Variants in THSD7B observed in about 807,000 individuals in gnomAD.
THSD7B encodes the protein thrombospondin type 1 domain containing 7B, also known as thrombospondin type-1 domain-containing protein 7B.
In THSD7B, 138 loss-of-function variants were observed where a neutral mutation model predicts 213.6. That is an observed-to-expected ratio of 0.65 (90% CI 0.56 to 0.74). The LOEUF is 0.74. Ranked by LOEUF, THSD7B falls within the 30% of genes least tolerant of loss-of-function variation. THSD7B has a pLI of 0.00. For missense variants in THSD7B, 1,931 were observed against 1,991.5 expected, an observed-to-expected ratio of 0.97 and a Z score of 0.58; for synonymous variants, 742 against 687.0, an observed-to-expected ratio of 1.08 and a Z score of -1.25.
chr2:137,021,655 C>A lies in THSD7B; in HGVS notation c.140-34765C>A, dbSNP rs747334455. On this transcript the variant is annotated intron_variant, in intron 2 of 27. Coordinates refer to ENST00000409968, the MANE Select transcript of THSD7B (RefSeq NM_001316349.2). ...ATCTTGCAAAACAATAGTACAATTG[C>A]ACAAACATGATATTGACATTGATGT... 2.6e-5 allele frequency among the ~76,000 whole-genome samples: 4 copies of A among 152,114 alleles called. No homozygotes were observed. In the South Asian group the frequency reaches 8.3e-4, roughly 32 times the overall value.
intron 17 of THSD7B, among the ~76,000 whole-genome samples, chr2:137,579,914 A>G (rs919950066): frequency 1.3e-5 from 2 of 152,140 alleles, no homozygotes; most frequent in Admixed American, 1.3e-4. Flanking sequence ...TATTCCTGGA[A>G]AGAGTTTTAT....
chr2:137,196,376 G>GTTTT (rs60814872), intron 7 of THSD7B, among the ~76,000 whole-genome samples: 5 of 99,976 alleles, frequency 5.0e-5, no homozygotes, highest in African/African-American at 1.2e-4. Flanking sequence ...AAAACCTGCT[G>GTTTT]TTTTTTTTTT....
chr2:137,188,771 C>G (rs1057371401), intron 7 of THSD7B, among the ~76,000 whole-genome samples: 29 of 152,322 alleles, frequency 1.9e-4, no homozygotes, highest in Admixed American at 1.8e-3. Context: ...GGAGCAGCAT[C>G]TCTTTTCTAT....
chr2:137,281,010 C>A (rs1682994934), intron 12 of THSD7B, among the ~76,000 whole-genome samples: 1 of 152,132 alleles, frequency 6.6e-6, no homozygotes, highest in Non-Finnish European at 1.5e-5. Flanking sequence ...CAGCGACAGA[C>A]TTGACATTAT....
At chr2:137,613,064 A>G (rs1682316986) in intron 17 of THSD7B, among the ~76,000 whole-genome samples, 1 of 152,076 alleles carries the variant, frequency 6.6e-6, no homozygotes, top group African/African-American at 2.4e-5. Flanking sequence ...ACTTCTCCTT[A>G]CAGGTCTAAA....
chr2:137,004,340 C>CACACACACAA (rs1553463958), intron 2 of THSD7B, among the ~76,000 whole-genome samples: 4 of 145,878 alleles, frequency 2.7e-5, no homozygotes, highest in Non-Finnish European at 6.0e-5. Flanking sequence ...CACACACACA[C>CACACACACAA]ACACACAAAC....
chr2:136,859,635 G>T (rs1185779248), intron 1 of THSD7B, among the ~76,000 whole-genome samples: 3 of 152,164 alleles, frequency 2.0e-5, no homozygotes, highest in African/African-American at 7.2e-5. Context: ...GGTGTGGCTG[G>T]TGTGTGCAAG....
intron 3 of THSD7B, among the ~76,000 whole-genome samples, chr2:137,062,500 A>T (rs1687296966): frequency 6.6e-6 from 1 of 151,708 alleles, no homozygotes; most frequent in Admixed American, 6.6e-5. Flanking sequence ...TTGTTCCACA[A>T]ATTCTGATAA....
intron 15 of THSD7B, among the ~76,000 whole-genome samples, chr2:137,481,725 AC>A (rs1688308807): frequency 6.6e-6 from 1 of 152,224 alleles, no homozygotes; most frequent in South Asian, 2.1e-4. Flanking sequence ...TAGTTTGCCA[AC>A]CCACATCCCA....
chr2:137,057,720 A>G (rs1687198049), intron 3 of THSD7B, among the ~76,000 whole-genome samples: 1 of 151,972 alleles, frequency 6.6e-6, no homozygotes, highest in Non-Finnish European at 1.5e-5. Context: ...TGTGTTGTAC[A>G]TTTTTTATAC....
At chr2:136,811,758 C>T (rs984423347) in intron 1 of THSD7B, among the ~76,000 whole-genome samples, 3 of 152,104 alleles carry the variant, frequency 2.0e-5, no homozygotes, top group Non-Finnish European at 4.4e-5. Flanking sequence ...TTACACAAGA[C>T]GTATGATTTC....
At chr2:137,667,903 T>C (rs1365375000) in intron 27 of THSD7B, 42 bp downstream of exon 27, 1 of 1,462,782 alleles carries the variant, frequency 6.8e-7, no homozygotes. Context: ...CGTATTTTTA[T>C]GGATTTCATG....
In THSD7B at chr2:137,448,367, G is replaced by A. The variant is rs542835622; in HGVS notation, c.2960-2478G>A. ...TGAAGCAGGGAGGCTAAGCTGGTTA[G>A]GAAAATAACTCATTTTTGCACGAGC... is the stretch of plus-strand genomic sequence containing the variant. On this transcript the variant is annotated intron_variant, in intron 14 of 27. Transcript: ENST00000409968. 6.6e-5 allele frequency among the ~76,000 whole-genome samples: 10 copies of A among 152,298 alleles called. 1 individual carries two copies. The South Asian group carries it at 1.9e-3, about 28-fold the overall frequency.
chr2:137,194,630 T>C (rs959386471), intron 7 of THSD7B, among the ~76,000 whole-genome samples: 2 of 152,240 alleles, frequency 1.3e-5, no homozygotes, highest in African/African-American at 4.8e-5. Flanking sequence ...CAGTGTTTTC[T>C]TCATACAGGT....
Position 136,988,782 on chromosome 2 carries a change from A to G in THSD7B, c.140-67638A>G, listed in dbSNP as rs150334365. 5.3e-5 allele frequency among the ~76,000 whole-genome samples: 8 copies of G among 152,344 alleles called. No individual in the cohort carries two copies. In the East Asian group the frequency reaches 1.5e-3, roughly 29 times the overall value. On this transcript the variant is annotated intron_variant, in intron 2 of 27. Transcript: ENST00000409968. ...CAAAAAATCAAGTCTGTCATTTAAA[A>G]TGTCCAAGAAGTCTTCACTGCCCGA... is the stretch of plus-strand genomic sequence containing the variant.
intron 21 of THSD7B, among the ~76,000 whole-genome samples, chr2:137,648,333 C>A (rs539251441): frequency 4.6e-5 from 7 of 152,168 alleles, no homozygotes; most frequent in African/African-American, 1.7e-4. Flanking sequence ...TTTCTTTTAT[C>A]AAACTATATA....
chr2:137,357,566 T>C (rs1028768434), intron 12 of THSD7B, among the ~76,000 whole-genome samples: 1 of 152,210 alleles, frequency 6.6e-6, no homozygotes, highest in Non-Finnish European at 1.5e-5. Context: ...TTCTTTCTTC[T>C]TGCCATCACC....
At chr2:137,143,236 A>G (rs1158998515) in intron 5 of THSD7B, among the ~76,000 whole-genome samples, 2 of 152,178 alleles carry the variant, frequency 1.3e-5, no homozygotes, top group Non-Finnish European at 2.9e-5. Flanking sequence ...TACTATACAC[A>G]TGAATGCTGA....
chr2:137,024,098 C>T (rs1686499214), intron 2 of THSD7B, among the ~76,000 whole-genome samples: 2 of 152,144 alleles, frequency 1.3e-5, no homozygotes, highest in African/African-American at 4.8e-5. Context: ...CTTGGGTCCT[C>T]ACTTTTACAG....
Sources: allele counts gnomAD v4.1 joint callset (sites outside exome capture counted in the v4.1 genomes callset), GRCh38; gene constraint gnomAD v4.1.1; transcripts MANE v1.5; gene names NCBI Gene and HGNC (gene_info 2026-07-23, HGNC 2026-07-21).